Variants in TRIM71 observed in about 807,000 individuals in gnomAD.
The protein encoded by TRIM71 is tripartite motif containing 71, also known as E3 ubiquitin-protein ligase TRIM71.
Under a neutral mutation model 61.2 loss-of-function variants are expected in TRIM71, and 9 were observed. The observed-to-expected ratio is 0.15, with a 90% CI of 0.09 to 0.26. TRIM71 has a LOEUF of 0.26. Among genes scored for constraint, TRIM71 ranks in the 10% least tolerant of loss-of-function variants. TRIM71 has a pLI of 1.00. For synonymous variants in TRIM71, 645 were observed against 553.2 expected (o/e 1.17, Z -2.33); for missense variants, 998 against 1,238.7 (o/e 0.81, Z 2.92).
intron 1 of TRIM71, among the ~76,000 whole-genome samples, chr3:32,843,750 C>A (rs994725200): frequency 6.6e-6 from 1 of 152,178 alleles, no homozygotes; most frequent in African/African-American, 2.4e-5. Context: ...GAGGAGTCTT[C>A]GCCCAAGGGC....
chr3:32,876,334 A>T (rs1463869713), intron 2 of TRIM71, among the ~76,000 whole-genome samples: 1 of 152,172 alleles, frequency 6.6e-6, no homozygotes, highest in Non-Finnish European at 1.5e-5. Context: ...CTGTAATCCC[A>T]GCACTTTGGG....
chr3:32,852,703 G>A (rs561461185), intron 1 of TRIM71, among the ~76,000 whole-genome samples: 288 of 151,522 alleles, frequency 1.9e-3, no homozygotes, highest in Non-Finnish European at 3.7e-3. Flanking sequence ...GCCTCTGCCT[G>A]AGGATTACAG....
At chr3:32,827,387 C>T (rs1301802674) in intron 1 of TRIM71, among the ~76,000 whole-genome samples, 2 of 151,192 alleles carry the variant, frequency 1.3e-5, no homozygotes, top group Non-Finnish European at 2.9e-5. Flanking sequence ...CCTCGTCTCA[C>T]GAGTAGCTGG....
intron 1 of TRIM71, among the ~76,000 whole-genome samples, chr3:32,860,228 T>C (rs1489845412): frequency 6.7e-6 from 1 of 148,216 alleles, no homozygotes; most frequent in Non-Finnish European, 1.5e-5. Context: ...GTGCGATCTC[T>C]GCTCACTGCA....
At chr3:32,822,215 G>T (rs1343793328) in intron 1 of TRIM71, among the ~76,000 whole-genome samples, 4 of 152,142 alleles carry the variant, frequency 2.6e-5, no homozygotes, top group African/African-American at 9.7e-5. Flanking sequence ...GGGTGACATT[G>T]TTGCCACCTG....
chr3:32,870,569 G>C (rs1036593844), intron 1 of TRIM71, among the ~76,000 whole-genome samples: 1 of 152,096 alleles, frequency 6.6e-6, no homozygotes, highest in African/African-American at 2.4e-5. Flanking sequence ...TGTCGGCTCA[G>C]GGCACCCTGC....
In TRIM71 at chr3:32,896,657, G is replaced by GT. The variant is rs978065193; in HGVS notation, c.*4848dup. ...TCTATTTTTAAAACTGATCTTACGG[G>GT]TTAACAAGCCAGCCTGGTGGGATAT... is the stretch of plus-strand genomic sequence containing the variant. On this transcript the variant is annotated 3_prime_UTR_variant, in exon 4 of 4. Coordinates refer to ENST00000383763, the MANE Select transcript of TRIM71 (RefSeq NM_001039111.3). The GT allele has an allele frequency of 2.0e-5, 3 of 152,128 alleles. No homozygotes were observed. The highest frequency in any genetic ancestry group is 2.4e-5 in the African/African-American group (1 of 41,428). 9.4% of individuals were successfully genotyped at this position (152,128 alleles called of 1,614,324 possible). A position where few individuals can be genotyped will look rare whatever the true frequency, so the allele number is the denominator to read the frequency against.
intron 1 of TRIM71, among the ~76,000 whole-genome samples, chr3:32,861,358 C>G (rs965896952): frequency 6.6e-6 from 1 of 150,472 alleles, no homozygotes; most frequent in African/African-American, 2.4e-5. Flanking sequence ...TCTCGAACTC[C>G]TGGCCTCAGG....
intron 1 of TRIM71, among the ~76,000 whole-genome samples, chr3:32,872,927 CAG>C (rs1358791812): frequency 3.3e-5 from 5 of 152,218 alleles, no homozygotes; most frequent in African/African-American, 1.2e-4. Context: ...CAAACATTTA[CAG>C]AGTGGCGCTA....
At chr3:32,822,804 C>T (rs1559535974) in intron 1 of TRIM71, among the ~76,000 whole-genome samples, 1 of 152,170 alleles carries the variant, frequency 6.6e-6, no homozygotes, top group African/African-American at 2.4e-5. Context: ...GAACCACTTT[C>T]CTATCTTTTC....
chr3:32,848,776 G>A (rs1696505672), intron 1 of TRIM71, among the ~76,000 whole-genome samples: 1 of 152,120 alleles, frequency 6.6e-6, no homozygotes, highest in Admixed American at 6.5e-5. Context: ...TGGAGTCTGG[G>A]GATGGCGGGA....
In TRIM71 at chr3:32,818,435, C is replaced by G; in HGVS notation, c.355C>G (p.Leu119Val). The change falls in exon 1 of 4, where the codon CTG (leucine) becomes GTG (valine). Residue 119 changes from leucine (L) to valine (V), a missense_variant. By Grantham distance (32) the Leu-to-Val change is conservative. Transcript: ENST00000383763. Reference protein sequence around the residue: ...LPSSAFLLSNLLDAVVATADE... With the variant: ...LPSSAFLLSNVLDAVVATADE... ...TTCGTCCGCCTTCCTGCTTAGCAAC[C>G]TGCTCGACGCGGTGGTGGCCACTGC... 1.4e-6 allele frequency: 2 copies of G among 1,474,174 alleles called. No individual in the cohort carries two copies. Among genetic ancestry groups the G allele is most frequent in the Non-Finnish European group, 1.8e-6 (2 of 1,117,358 alleles). 91.3% of individuals were successfully genotyped at this position (1,474,174 alleles called of 1,614,324 possible).
At chr3:32,848,782 C>T (rs1230348520) in intron 1 of TRIM71, among the ~76,000 whole-genome samples, 6 of 152,072 alleles carry the variant, frequency 3.9e-5, no homozygotes, top group African/African-American at 1.2e-4. Context: ...CTGGGGATGG[C>T]GGGAATCACC....
rs1036804828 is a variant in TRIM71 at position 32,839,666 on chromosome 3, G to GT, written c.852+20734_852+20735insT. Among the ~76,000 whole-genome samples, 8 of 136,612 alleles carry GT rather than the reference G, an allele frequency of 5.9e-5. 1 individual carries two copies. Among genetic ancestry groups the GT allele is most frequent in the South Asian group, 5.6e-4 (2 of 3,556 alleles). The allele number at this position is 136,612 out of a possible 152,430, so 89.6% of individuals were successfully genotyped here. Reference sequence around the variant, plus strand: ...ATTGATTATTGAGCTTTTTTTGGGGGGGGGGTGGGGGTGGGGTCCCTTATC... The same window carrying GT: ...ATTGATTATTGAGCTTTTTTTGGGGGTGGGGGTGGGGGTGGGGTCCCTTATC... On this transcript the variant is annotated intron_variant, in intron 1 of 3. Coordinates refer to ENST00000383763, the MANE Select transcript of TRIM71 (RefSeq NM_001039111.3).
chr3:32,844,886 T>C (rs1696454862), intron 1 of TRIM71, among the ~76,000 whole-genome samples: 1 of 152,224 alleles, frequency 6.6e-6, no homozygotes, highest in Admixed American at 6.5e-5. Flanking sequence ...ACTTCCAAAG[T>C]TCCCCAATTT....
At chr3:32,827,414 C>G (rs1696215837) in intron 1 of TRIM71, among the ~76,000 whole-genome samples, 1 of 151,782 alleles carries the variant, frequency 6.6e-6, no homozygotes, top group African/African-American at 2.4e-5. Flanking sequence ...AGGCATGCAC[C>G]ACCATGCCTG....
In TRIM71 at chr3:32,890,348, T is replaced by C; in HGVS notation, c.1156-12T>C. On this transcript the variant is annotated splice_polypyrimidine_tract_variant and intron_variant, in intron 3 of 3. Coordinates refer to ENST00000383763, the MANE Select transcript of TRIM71 (RefSeq NM_001039111.3). This position sits in a 1 kb window ranked among gnomAD's most constrained non-coding sequence, Gnocchi z 6.2. ...CCTCTGTGTCTTTCTCCACTCTTGCTTTTCCCTCCAGGTAGAAAAGATCCG... is the reference window on the plus strand; with the variant it reads ...CCTCTGTGTCTTTCTCCACTCTTGCCTTTCCCTCCAGGTAGAAAAGATCCG... 1.2e-6 allele frequency: 2 copies of C among 1,602,480 alleles called. No individual in the cohort carries two copies. Among genetic ancestry groups the C allele is most frequent in the Non-Finnish European group, 8.5e-7 (1 of 1,170,938 alleles).
At position 32,897,482 on chromosome 3, in the gene TRIM71, G is replaced by A. The variant is rs969403094; in HGVS notation, c.*5671G>A. The A allele has an allele frequency of 2.0e-5, 3 of 151,990 alleles. No individual in the cohort carries two copies. The highest frequency in any genetic ancestry group is 4.8e-5 in the African/African-American group (2 of 41,372). 9.4% of individuals were successfully genotyped at this position (151,990 alleles called of 1,614,324 possible). A position where few individuals can be genotyped will look rare whatever the true frequency, so the allele number is the denominator to read the frequency against. ...TGAAGATTTCCCCCCAAACCTTTAG[G>A]CAAAAGTGAGTTTTTGTTTGGTTGA... On this transcript the variant is annotated 3_prime_UTR_variant, in exon 4 of 4. Transcript: ENST00000383763.
At chr3:32,867,451 A>G (rs1696750969) in intron 1 of TRIM71, among the ~76,000 whole-genome samples, 1 of 152,130 alleles carries the variant, frequency 6.6e-6, no homozygotes, top group African/African-American at 2.4e-5. Flanking sequence ...ATGTGTGTAT[A>G]TATACATACA....
Sources: gnomAD v4.1 joint callset for allele counts (sites outside exome capture counted in the v4.1 genomes callset) on GRCh38, gnomAD v4.1.1 for gene constraint, Gnocchi (gnomAD v3.1) non-coding constraint, MANE v1.5 for transcripts, NCBI Gene and HGNC (gene_info 2026-07-23, HGNC 2026-07-21) for gene names.